Variants in RARB observed in about 807,000 individuals in gnomAD.
RARB encodes retinoic acid receptor beta.
Under a neutral mutation model 51.9 loss-of-function variants are expected in RARB, and 17 were observed. The ratio of observed to expected loss-of-function variants is 0.33; its 90% CI spans 0.22 to 0.49. RARB has a LOEUF of 0.49. RARB is among the 20% of genes least tolerant of loss of function. The pLI, the probability that RARB is intolerant of heterozygous loss-of-function variation, is 0.99. For missense variants in RARB, 369 were observed against 550.8 expected (o/e 0.67, Z 3.30); for synonymous variants, 215 against 195.4 (o/e 1.10, Z -0.84).
At chr3:25,065,997 A>G (rs1022906161) in intron 3 of RARB, among the ~76,000 whole-genome samples, 3 of 152,060 alleles carry the variant, frequency 2.0e-5, no homozygotes, top group Non-Finnish European at 2.9e-5. Context: ...AGAAATGTGC[A>G]TTTTTTTCCA....
chr3:25,555,298 A>G (rs1234731301), intron 3 of RARB, among the ~76,000 whole-genome samples: 1 of 152,156 alleles, frequency 6.6e-6, no homozygotes, highest in Non-Finnish European at 1.5e-5. Context: ...CTCATCAGAG[A>G]GGCTTTCCCT....
chr3:25,368,913 G>A (rs528039549), intron 5 of RARB, among the ~76,000 whole-genome samples: 2 of 152,278 alleles, frequency 1.3e-5, no homozygotes, highest in South Asian at 4.1e-4. Context: ...GGGATTACAA[G>A]TAAGGAAGCT....
intron 3 of RARB, among the ~76,000 whole-genome samples, chr3:25,501,533 T>G (rs1697316029): frequency 1.3e-5 from 2 of 152,184 alleles, no homozygotes; most frequent in African/African-American, 4.8e-5. Context: ...TTAGGCGTCG[T>G]GGATGTCAGA....
In RARB at chr3:25,456,678, TATATAGAGAGAGAG is replaced by T. The variant is rs1397278758; in HGVS notation, c.158-4513_158-4500del. ...ATATTTGAATATATATATATATATA[TATATAGAGAGAGAG>T]AGAGAGAGAGAGAGAGAGAGAGAGA... On this transcript the variant is annotated intron_variant, in intron 1 of 7. Coordinates refer to ENST00000330688, the MANE Select transcript of RARB (RefSeq NM_000965.5). Among the ~76,000 whole-genome samples the T allele has an allele frequency of 9.6e-4, 106 of 110,282 alleles. 2 individuals are homozygous for T. The highest frequency in any genetic ancestry group is 1.4e-3 in the Non-Finnish European group (77 of 54,994). 72.3% of individuals were successfully genotyped at this position (110,282 alleles called of 152,430 possible). A position where few individuals can be genotyped will look rare whatever the true frequency, so the allele number is the denominator to read the frequency against.
chr3:25,353,114 C>T (rs1008072290), intron 5 of RARB, among the ~76,000 whole-genome samples: 5 of 152,126 alleles, frequency 3.3e-5, no homozygotes, highest in Admixed American at 6.6e-5. Context: ...TTTTCATCAT[C>T]AACACACAGC....
At position 25,273,544 on chromosome 3, in the gene RARB, C is replaced by T. The variant is rs140469436; in HGVS notation, c.178+98969C>T. 2.5e-3 allele frequency among the ~76,000 whole-genome samples: 387 copies of T among 152,252 alleles called. 2 individuals carry two copies. The highest frequency in any genetic ancestry group is 8.8e-3 in the African/African-American group (367 of 41,554). ...AAGGTGCTGTTAGAAGTGACATCTC[C>T]CTGCTCAGCTAGTCAGAGACAGTGA... On this transcript the variant is annotated intron_variant, in intron 5 of 11. Transcript: ENST00000383772.
At chr3:24,925,973 G>A (rs137901475) in intron 2 of RARB, among the ~76,000 whole-genome samples, 43 of 152,136 alleles carry the variant, frequency 2.8e-4, no homozygotes, top group South Asian at 2.7e-3. Context: ...CTCAAGGAAC[G>A]CACACACTCC....
chr3:25,316,079 T>C (rs1704416610), intron 5 of RARB, among the ~76,000 whole-genome samples: 1 of 152,234 alleles, frequency 6.6e-6, no homozygotes, highest in Admixed American at 6.5e-5. Context: ...GAAATATTTT[T>C]ATATTTCTAA....
intron 5 of RARB, among the ~76,000 whole-genome samples, chr3:25,253,545 A>C (rs1181556493): frequency 6.6e-6 from 1 of 152,162 alleles, no homozygotes; most frequent in South Asian, 2.1e-4. Context: ...TAATTTATAT[A>C]TTGCCTGGGT....
chr3:25,085,643 AT>A (rs1375781518), intron 3 of RARB, among the ~76,000 whole-genome samples: 1 of 152,148 alleles, frequency 6.6e-6, no homozygotes, highest in East Asian at 1.9e-4. Flanking sequence ...TGCAATATTT[AT>A]AAATCAGATT....
chr3:25,574,559 G>C (rs547043542), intron 4 of RARB, among the ~76,000 whole-genome samples: 5 of 152,164 alleles, frequency 3.3e-5, no homozygotes, highest in African/African-American at 1.2e-4. Flanking sequence ...TGTCTGCTCC[G>C]GGCCGCCTCT....
intron 5 of RARB, among the ~76,000 whole-genome samples, chr3:25,588,468 G>A (rs531661001): frequency 1.3e-5 from 2 of 152,196 alleles, no homozygotes; most frequent in South Asian, 2.1e-4. Flanking sequence ...AGCTGTACTC[G>A]AGATTTGTGT....
At chr3:25,454,116 A>G (rs748127178) in intron 1 of RARB, among the ~76,000 whole-genome samples, 1 of 152,226 alleles carries the variant, frequency 6.6e-6, no homozygotes, top group Non-Finnish European at 1.5e-5. Flanking sequence ...CCGTGCCCCA[A>G]ATGTTTGGAT....
chr3:24,967,878 CAATTGT>C (rs375550714), intron 2 of RARB, among the ~76,000 whole-genome samples: 134 of 152,170 alleles, frequency 8.8e-4, no homozygotes, highest in African/African-American at 3.2e-3. Context: ...AATGACTTTC[CAATTGT>C]AATTGTAACT....
chr3:25,133,055 G>A (rs540739507), intron 4 of RARB, among the ~76,000 whole-genome samples: 1 of 151,828 alleles, frequency 6.6e-6, no homozygotes, highest in Non-Finnish European at 1.5e-5. Context: ...ACAATGGCAC[G>A]ATGCTTTCTT....
chr3:25,248,560 C>G (rs1438546075), intron 5 of RARB, among the ~76,000 whole-genome samples: 1 of 152,052 alleles, frequency 6.6e-6, no homozygotes, highest in Non-Finnish European at 1.5e-5. Context: ...TGTGAGTTTT[C>G]ATGATGGTAG....
At chr3:25,205,788 G>C (rs1320387344) in intron 5 of RARB, among the ~76,000 whole-genome samples, 1 of 151,310 alleles carries the variant, frequency 6.6e-6, no homozygotes, top group Non-Finnish European at 1.5e-5. Flanking sequence ...TGTTGCCCTA[G>C]CTGGAGTGCA....
intron 2 of RARB, among the ~76,000 whole-genome samples, chr3:25,035,318 C>A (rs765343211): frequency 1.3e-5 from 2 of 151,608 alleles, no homozygotes; most frequent in African/African-American, 4.8e-5. Context: ...GACAGGGTTT[C>A]GCCATGTTGC....
At chr3:25,068,372 C>T (rs1280377323) in intron 3 of RARB, among the ~76,000 whole-genome samples, 1 of 151,752 alleles carries the variant, frequency 6.6e-6, no homozygotes, top group East Asian at 1.9e-4. Flanking sequence ...TTAAGAATCA[C>T]TAATCACCAT....
Sources: allele counts gnomAD v4.1 joint callset (sites outside exome capture counted in the v4.1 genomes callset), GRCh38; gene constraint gnomAD v4.1.1; transcripts MANE v1.5; gene names NCBI Gene and HGNC (gene_info 2026-07-23, HGNC 2026-07-21).